The following CHCT1 variants were observed in gnomAD, a reference collection of about 807,000 sequenced individuals.
The protein encoded by CHCT1 is CHD1 helical C-terminal domain containing 1.
the CHCT1 span, chr17:60,426,217 G>C: frequency 6.4e-7 from 1 of 1,551,722 alleles, no homozygotes; most frequent in African/African-American, 1.4e-5. Flanking sequence ...ACCTGCCCAG[G>C]GACCTTCCCC....
chr17:60,431,191 G>A, the CHCT1 span: 1 of 1,599,202 alleles, frequency 6.3e-7, no homozygotes, highest in Non-Finnish European at 8.5e-7. Flanking sequence ...ATTCTTTAAG[G>A]GAGCTTTCTC....
the CHCT1 span, chr17:60,421,709 C>T: frequency 1.2e-6 from 1 of 808,124 alleles, no homozygotes; most frequent in African/African-American, 1.9e-5. Context: ...CCTCCCGGCC[C>T]TGCCCGGCCA....
chr17:60,429,188 A>G, the CHCT1 span, among the ~76,000 whole-genome samples: 1 of 152,224 alleles, frequency 6.6e-6, no homozygotes, highest in East Asian at 1.9e-4. Flanking sequence ...GCTTGCCTCC[A>G]TGTCCCCACA....
chr17:60,426,702 G>T, the CHCT1 span: 1 of 1,606,006 alleles, frequency 6.2e-7, no homozygotes, highest in South Asian at 1.1e-5. Flanking sequence ...CCAGCCTAGG[G>T]TCTCCCCCTT....
chr17:60,421,381 G>T, the CHCT1 span: 3 of 985,394 alleles, frequency 3.0e-6, no homozygotes, highest in African/African-American at 1.7e-5. Flanking sequence ...ACTTGAAGCC[G>T]CTATGCCCCT....
At chr17:60,427,128 C>T in the CHCT1 span, among the ~76,000 whole-genome samples, 7 of 152,256 alleles carry the variant, frequency 4.6e-5, no homozygotes, top group South Asian at 6.2e-4. Context: ...TGGAAGCGGC[C>T]GTGTAGAGTA....
the CHCT1 span, among the ~76,000 whole-genome samples, chr17:60,427,623 A>C: frequency 6.6e-6 from 1 of 152,150 alleles, no homozygotes; most frequent in Non-Finnish European, 1.5e-5. Context: ...TATGTTGGCC[A>C]GGCTGGTCTC....
the CHCT1 span, chr17:60,426,026 C>A: frequency 8.0e-7 from 1 of 1,252,916 alleles, no homozygotes; most frequent in Non-Finnish European, 1.1e-6. Flanking sequence ...GAGAGGTGCA[C>A]CAGAGCCACC....
the CHCT1 span, chr17:60,422,432 T>TG: frequency 2.0e-6 from 3 of 1,480,334 alleles, no homozygotes; most frequent in South Asian, 1.3e-5. Flanking sequence ...GGGAGCGGGG[T>TG]GGGGGGCTGG....
chr17:60,422,678 G>T, the CHCT1 span: 1 of 1,512,082 alleles, frequency 6.6e-7, no homozygotes, highest in Non-Finnish European at 8.9e-7. Flanking sequence ...GGGAAGGAGG[G>T]TCCCGGAGGG....
chr17:60,424,040 G>C, the CHCT1 span, among the ~76,000 whole-genome samples: 16 of 152,186 alleles, frequency 1.1e-4, no homozygotes, highest in Admixed American at 1.0e-3. Context: ...TTGTCACATG[G>C]TGAGAGAGCA....
the CHCT1 span, among the ~76,000 whole-genome samples, chr17:60,429,142 C>CAA: frequency 5.3e-5 from 8 of 152,182 alleles, no homozygotes; most frequent in African/African-American, 1.9e-4. Flanking sequence ...GACATGATCT[C>CAA]AAAATAAAGG....
the CHCT1 span, among the ~76,000 whole-genome samples, chr17:60,430,039 G>A: frequency 6.6e-6 from 1 of 150,568 alleles, no homozygotes; most frequent in Non-Finnish European, 1.5e-5. Context: ...TGCCCAAGCT[G>A]GTCTTGAGCT....
chr17:60,426,154 T>C, the CHCT1 span: 1 of 1,551,258 alleles, frequency 6.4e-7, no homozygotes, highest in Non-Finnish European at 8.7e-7. Context: ...ACCTGTTGCC[T>C]CCTCAGTGTA....
At chr17:60,421,488 A>G in the CHCT1 span, 1 of 985,444 alleles carries the variant, frequency 1.0e-6, no homozygotes, top group Non-Finnish European at 1.2e-6. Flanking sequence ...ACAGGGCCAC[A>G]CTGAGTGGGG....
the CHCT1 span, among the ~76,000 whole-genome samples, chr17:60,428,581 G>T: frequency 6.6e-6 from 1 of 151,322 alleles, no homozygotes; most frequent in East Asian, 2.0e-4. Flanking sequence ...TCCACCTCCA[G>T]GTTCAAGCGA....
At chr17:60,426,032 C>A in the CHCT1 span, 2 of 1,256,210 alleles carry the variant, frequency 1.6e-6, no homozygotes, top group Non-Finnish European at 2.2e-6. Flanking sequence ...TGCACCAGAG[C>A]CACCTCCCGA....
chr17:60,422,696 T>C, the CHCT1 span: 1 of 1,494,058 alleles, frequency 6.7e-7, no homozygotes, highest in Non-Finnish European at 9.0e-7. Context: ...GGGGCTGGTT[T>C]TGGAAAGTAG....
chr17:60,426,830 A>T, the CHCT1 span: 4 of 1,589,614 alleles, frequency 2.5e-6, no homozygotes, highest in Admixed American at 7.1e-5. Context: ...GAGGCGCAAG[A>T]CATTCCGCCC....
Sources: gnomAD v4.1 joint callset for allele counts (sites outside exome capture counted in the v4.1 genomes callset) on GRCh38, gnomAD v4.1.1 for gene constraint, MANE v1.5 for transcripts, NCBI Gene and HGNC (gene_info 2026-07-23, HGNC 2026-07-21) for gene names.